Variants in KCTD16 observed in about 807,000 individuals in gnomAD.
KCTD16 encodes the protein potassium channel tetramerization domain containing 16.
In KCTD16, 13 loss-of-function variants were observed where a neutral mutation model predicts 33.2. That is an observed-to-expected ratio of 0.39 (90% confidence interval 0.25 to 0.62). The LOEUF is 0.62. Ranked by LOEUF, KCTD16 falls within the 20% of genes least tolerant of loss-of-function variation. The pLI is 0.50. For missense variants in KCTD16, 441 were observed against 525.1 expected (o/e 0.84, Z 1.57); for synonymous variants, 197 against 195.3 (o/e 1.01, Z -0.07).
chr5:144,238,823 A>T (rs1413524358), intron 3 of KCTD16, among the ~76,000 whole-genome samples: 2 of 152,200 alleles, frequency 1.3e-5, no homozygotes, highest in African/African-American at 4.8e-5. Flanking sequence ...TCATCTATTC[A>T]CAAATGCTTA....
At chr5:144,266,818 C>T (rs983499396) in intron 3 of KCTD16, among the ~76,000 whole-genome samples, 3 of 152,024 alleles carry the variant, frequency 2.0e-5, no homozygotes, top group African/African-American at 7.2e-5. Flanking sequence ...ATACTGTGCT[C>T]ATCTCTGGGA....
chr5:144,256,510 G>C (rs1053684134), intron 3 of KCTD16, among the ~76,000 whole-genome samples: 1 of 151,958 alleles, frequency 6.6e-6, no homozygotes, highest in Non-Finnish European at 1.5e-5. Context: ...GGAACAAAGA[G>C]TAAACATACC....
chr5:144,215,123 A>G (rs1269743727), intron 3 of KCTD16, among the ~76,000 whole-genome samples: 1 of 152,158 alleles, frequency 6.6e-6, no homozygotes, highest in East Asian at 1.9e-4. Context: ...TAAGCATTTT[A>G]CATACTAGTT....
chr5:144,285,434 T>G (rs576154246), intron 3 of KCTD16, among the ~76,000 whole-genome samples: 1 of 152,310 alleles, frequency 6.6e-6, no homozygotes, highest in South Asian at 2.1e-4. Context: ...CTCCAGCCCT[T>G]CCCATTTTCT....
intron 3 of KCTD16, among the ~76,000 whole-genome samples, chr5:144,361,327 G>A (rs1027251522): frequency 6.6e-6 from 1 of 152,076 alleles, no homozygotes; most frequent in Non-Finnish European, 1.5e-5. Flanking sequence ...GTTCTAGATT[G>A]TTGGGGATGT....
chr5:144,204,819 G>A (rs1226495772), intron 2 of KCTD16, among the ~76,000 whole-genome samples: 1 of 151,732 alleles, frequency 6.6e-6, no homozygotes, highest in Non-Finnish European at 1.5e-5. Context: ...GGTGGCAGGC[G>A]GATGAAATAG....
chr5:144,353,134 T>C (rs772723736), intron 3 of KCTD16, among the ~76,000 whole-genome samples: 9 of 152,184 alleles, frequency 5.9e-5, no homozygotes, highest in Non-Finnish European at 1.3e-4. Flanking sequence ...AATAGTGTTG[T>C]TCCCAAGGGG....
At chr5:144,184,369 T>C (rs973310308) in intron 2 of KCTD16, among the ~76,000 whole-genome samples, 2 of 152,198 alleles carry the variant, frequency 1.3e-5, no homozygotes, top group African/African-American at 4.8e-5. Flanking sequence ...TCAAGGTTCG[T>C]CCATGTTAAA....
chr5:144,429,715 G>C (rs1753415024), intron 3 of KCTD16, among the ~76,000 whole-genome samples: 1 of 152,072 alleles, frequency 6.6e-6, no homozygotes, highest in South Asian at 2.1e-4. Flanking sequence ...TACTAGAAAA[G>C]TTGGTATTAT....
At chr5:144,262,849 G>A (rs909312978) in intron 3 of KCTD16, among the ~76,000 whole-genome samples, 2 of 152,070 alleles carry the variant, frequency 1.3e-5, no homozygotes, top group African/African-American at 2.4e-5. Context: ...TGGTTCCCTT[G>A]CCCTGTCTAT....
chr5:144,181,629 G>C (rs1752627836), intron 2 of KCTD16, among the ~76,000 whole-genome samples: 2 of 152,310 alleles, frequency 1.3e-5, no homozygotes, highest in Non-Finnish European at 2.9e-5. Flanking sequence ...TCTGCCATTT[G>C]TGCAACATGG....
chr5:144,181,338 A>T (rs1408531263), intron 2 of KCTD16, among the ~76,000 whole-genome samples: 1 of 152,242 alleles, frequency 6.6e-6, no homozygotes, highest in Non-Finnish European at 1.5e-5. Context: ...AAAACAAAAC[A>T]AAGAATAGTG....
intron 3 of KCTD16, among the ~76,000 whole-genome samples, chr5:144,290,783 C>T (rs1755876110): frequency 6.6e-6 from 1 of 152,128 alleles, no homozygotes; most frequent in Non-Finnish European, 1.5e-5. Context: ...AGCTGATGTT[C>T]CTGGAAATCA....
chr5:144,244,846 C>A (rs1754506497), intron 3 of KCTD16, among the ~76,000 whole-genome samples: 1 of 152,080 alleles, frequency 6.6e-6, no homozygotes, highest in Admixed American at 6.5e-5. Context: ...CAAATCCCCT[C>A]CTAGGATGGT....
chr5:144,442,175 A>G (rs905623714), intron 3 of KCTD16, among the ~76,000 whole-genome samples: 9 of 152,144 alleles, frequency 5.9e-5, no homozygotes, highest in African/African-American at 2.2e-4. Context: ...GGATCAAAGT[A>G]GCTTATTAGT....
chr5:144,277,059 T>G (rs2126851551), intron 3 of KCTD16, among the ~76,000 whole-genome samples: 1 of 152,324 alleles, frequency 6.6e-6, no homozygotes, highest in South Asian at 2.1e-4. Flanking sequence ...TAATATCATT[T>G]TTTTCAGTGT....
intron 3 of KCTD16, among the ~76,000 whole-genome samples, chr5:144,353,010 G>A (rs1437469912): frequency 1.3e-5 from 2 of 152,098 alleles, no homozygotes; most frequent in African/African-American, 4.8e-5. Flanking sequence ...TGCCTTTTAG[G>A]CTGCACAGAC....
chr5:144,216,565 C>T (rs116618445), intron 3 of KCTD16, among the ~76,000 whole-genome samples: 2,333 of 152,142 alleles, frequency 0.015, 27 homozygotes, highest in Middle Eastern at 0.041. Flanking sequence ...GACTGTCAGC[C>T]GGGCGCGGTG....
At chr5:144,243,569 T>C (rs1011898820) in intron 3 of KCTD16, among the ~76,000 whole-genome samples, 2 of 152,148 alleles carry the variant, frequency 1.3e-5, no homozygotes, top group Admixed American at 6.6e-5. Flanking sequence ...ATCCCAGACA[T>C]TTATTTGAAA....
Sources: allele counts gnomAD v4.1 joint callset (sites outside exome capture counted in the v4.1 genomes callset), GRCh38; gene constraint gnomAD v4.1.1; transcripts MANE v1.5; gene names NCBI Gene and HGNC (gene_info 2026-07-23, HGNC 2026-07-21).